STRN3: variants seen among roughly 807,000 people sequenced by gnomAD.
STRN3 encodes the protein striatin-3.
STRN3 carries 29 observed loss-of-function variants against 95.6 expected under a neutral mutation model. That is an observed-to-expected ratio of 0.30 (90% CI 0.23 to 0.41). STRN3 has a LOEUF of 0.41. Ranked by LOEUF, STRN3 falls within the 10% of genes least tolerant of loss-of-function variation. The pLI, the probability that STRN3 is intolerant of heterozygous loss-of-function variation, is 1.00. For missense variants in STRN3, 890 were observed against 972.1 expected (o/e 0.92, Z 1.12); for synonymous variants, 331 against 357.6 (o/e 0.93, Z 0.84).
intron 1 of STRN3, among the ~76,000 whole-genome samples, chr14:31,014,955 G>C (rs537913799): frequency 6.6e-6 from 1 of 152,092 alleles, no homozygotes; most frequent in Non-Finnish European, 1.5e-5. Flanking sequence ...AGCCTCCCAA[G>C]TAGGTGGGAT....
intron 8 of STRN3, among the ~76,000 whole-genome samples, chr14:30,920,097 TGGC>T (rs1295953825): frequency 6.6e-6 from 1 of 152,196 alleles, no homozygotes; most frequent in East Asian, 1.9e-4. Context: ...AAGTTCACTG[TGGC>T]TATTTGAGTG....
At position 31,007,922 on chromosome 14, in the gene STRN3, G is replaced by A. The variant is rs189127162; in HGVS notation, c.282+17982C>T. On this transcript the variant is annotated intron_variant, in intron 1 of 17. Transcript: ENST00000357479. ...TAAATAAAAAATTGGGCCTGGCGTG[G>A]TGGCTCACACCTGTAATCCAAGCAC... Among the ~76,000 whole-genome samples the A allele has an allele frequency of 2.8e-4, 43 of 152,270 alleles. 3 individuals are homozygous for A. Among genetic ancestry groups the A allele is most frequent in the East Asian group, 2.3e-3 (12 of 5,184 alleles).
chr14:31,021,822 G>C (rs1883521019), intron 1 of STRN3, among the ~76,000 whole-genome samples: 1 of 152,146 alleles, frequency 6.6e-6, no homozygotes, highest in Admixed American at 6.6e-5. Flanking sequence ...TAGAAGGGAG[G>C]AGAGAAGAAA....
At chr14:30,907,280 C>CTT (rs35844855) in intron 13 of STRN3, among the ~76,000 whole-genome samples, 2 of 142,922 alleles carry the variant, frequency 1.4e-5, no homozygotes, top group East Asian at 2.0e-4. Context: ...GAAACATATG[C>CTT]TTTTTTTTTT....
chr14:30,903,192 T>C (rs1451755680), intron 15 of STRN3, among the ~76,000 whole-genome samples: 1 of 152,052 alleles, frequency 6.6e-6, no homozygotes, highest in Non-Finnish European at 1.5e-5. Context: ...AACTCCTCAA[T>C]ATTAATAGAC....
chr14:30,907,876 A>G (rs1391735472), intron 13 of STRN3, among the ~76,000 whole-genome samples: 1 of 151,004 alleles, frequency 6.6e-6, no homozygotes, highest in Non-Finnish European at 1.5e-5. Flanking sequence ...TTTCTAGTAA[A>G]CTCCTCCCAC....
intron 1 of STRN3, among the ~76,000 whole-genome samples, chr14:30,980,117 T>C (rs1280041943): frequency 1.3e-5 from 2 of 151,626 alleles, no homozygotes; most frequent in Non-Finnish European, 2.9e-5. Context: ...ACATAGTGTG[T>C]GCCTATAATC....
intron 1 of STRN3, among the ~76,000 whole-genome samples, chr14:30,977,283 C>T (rs1246557779): frequency 6.6e-6 from 1 of 151,720 alleles, no homozygotes; most frequent in South Asian, 2.1e-4. Context: ...ATTTAGCTTC[C>T]ATCTTAGGAA....
intron 1 of STRN3, among the ~76,000 whole-genome samples, chr14:31,002,002 T>C (rs1882475181): frequency 6.7e-6 from 1 of 150,096 alleles, no homozygotes; most frequent in African/African-American, 2.5e-5. Context: ...CCATCTCTAC[T>C]AAAAATACAA....
chr14:30,931,096 T>TA (rs993751255), intron 7 of STRN3, among the ~76,000 whole-genome samples: 1 of 151,768 alleles, frequency 6.6e-6, no homozygotes, highest in Admixed American at 6.6e-5. Context: ...GCATAGGGAA[T>TA]AAAAAAAGGA....
At chr14:30,904,985 A>G (rs1053071427) in intron 15 of STRN3, among the ~76,000 whole-genome samples, 5 of 151,892 alleles carry the variant, frequency 3.3e-5, no homozygotes, top group African/African-American at 1.2e-4. Context: ...AAAGAACATA[A>G]AAGAGATGAA....
intron 15 of STRN3, among the ~76,000 whole-genome samples, chr14:30,904,655 T>C (rs1463607416): frequency 3.9e-5 from 6 of 152,024 alleles, no homozygotes; most frequent in Admixed American, 2.6e-4. Flanking sequence ...AATCTTTCAA[T>C]AGAAAATGAA....
intron 16 of STRN3, among the ~76,000 whole-genome samples, chr14:30,898,515 G>A (rs1230189664): frequency 6.6e-6 from 1 of 152,126 alleles, no homozygotes; most frequent in African/African-American, 2.4e-5. Flanking sequence ...TCTCCACAGA[G>A]TCACAAAAAT....
chr14:30,911,818 G>A lies in STRN3; in HGVS notation c.1557C>T (p.Ala519=). The change falls in exon 12 of 18, where the codon GCC becomes GCT. Residue 519 remains alanine, a synonymous_variant. Coordinates refer to ENST00000357479, the MANE Select transcript of STRN3 (RefSeq NM_001083893.2). ...LQKTVPAKKS[A]SLDVEPIYTF... is the part of the protein sequence containing the mutation. ...TGTAGATAGGCTCTACATCTAAAGA[G>A]GCACTCCTAAAAGAGGGGGAAAAAG... 4 of 1,605,500 alleles carry A rather than the reference G, an allele frequency of 2.5e-6. No individual in the cohort carries two copies. The highest frequency in any genetic ancestry group is 1.7e-4 in the Middle Eastern group (1 of 6,018).
chr14:30,942,883 A>C (rs1212814462), intron 5 of STRN3, among the ~76,000 whole-genome samples: 1 of 152,202 alleles, frequency 6.6e-6, no homozygotes, highest in African/African-American at 2.4e-5. Context: ...CTTTACATTA[A>C]TTCATTCCTT....
chr14:31,009,629 G>A (rs1229144953), intron 1 of STRN3, among the ~76,000 whole-genome samples: 1 of 139,958 alleles, frequency 7.1e-6, no homozygotes. Context: ...TTACATTTCT[G>A]TAACTTAATT....
At chr14:30,968,456 C>A (rs111937801) in intron 1 of STRN3, among the ~76,000 whole-genome samples, 2 of 149,478 alleles carry the variant, frequency 1.3e-5, no homozygotes, top group East Asian at 2.0e-4. Context: ...CCGAGGCGGG[C>A]GGATCACGAG....
chr14:30,992,129 GC>G (rs1881984698), intron 1 of STRN3, among the ~76,000 whole-genome samples: 2 of 152,034 alleles, frequency 1.3e-5, no homozygotes, highest in African/African-American at 4.8e-5. Context: ...AGGCAAAGGG[GC>G]CGGGTGCAGT....
chr14:31,025,591 G>A, intron 1 of STRN3: 1 of 455,388 alleles, frequency 2.2e-6, no homozygotes, highest in Non-Finnish European at 4.0e-6. Flanking sequence ...GAGGTGCTCG[G>A]TCCCAAGCCC....
Sources: allele counts gnomAD v4.1 joint callset (sites outside exome capture counted in the v4.1 genomes callset), GRCh38; gene constraint gnomAD v4.1.1; transcripts MANE v1.5; gene names NCBI Gene and HGNC (gene_info 2026-07-23, HGNC 2026-07-21).